The following ANO2 variants were observed in gnomAD, a reference collection of about 807,000 sequenced individuals.
The protein encoded by ANO2 is anoctamin 2.
ANO2 carries 101 observed loss-of-function variants against 124.2 expected under a neutral mutation model. The observed-to-expected ratio is 0.81, with a 90% CI of 0.69 to 0.96. ANO2 has a LOEUF of 0.96. Among genes scored for constraint, ANO2 ranks in the 40% least tolerant of loss-of-function variants. The pLI, the probability that ANO2 is intolerant of heterozygous loss-of-function variation, is 0.00. For synonymous variants in ANO2, 486 were observed against 482.5 expected, an observed-to-expected ratio of 1.01 and a Z score of -0.09; for missense variants, 1,293 against 1,274.5, an observed-to-expected ratio of 1.01 and a Z score of -0.22.
At chr12:5,743,323 C>T (rs565884239) in intron 12 of ANO2, among the ~76,000 whole-genome samples, 10 of 152,280 alleles carry the variant, frequency 6.6e-5, no homozygotes, top group Non-Finnish European at 8.8e-5. Flanking sequence ...CCTGCACATT[C>T]GGTGATGAGT....
chr12:5,741,785 G>A (rs1357228326), intron 12 of ANO2, among the ~76,000 whole-genome samples: 1 of 152,166 alleles, frequency 6.6e-6, no homozygotes, highest in Non-Finnish European at 1.5e-5. Context: ...TCAATTTACA[G>A]ATGAGGACAA....
intron 14 of ANO2, among the ~76,000 whole-genome samples, chr12:5,655,302 C>T (rs1591827383): frequency 6.6e-6 from 1 of 152,170 alleles, no homozygotes; most frequent in East Asian, 1.9e-4. Context: ...TAAATCTCAG[C>T]CTCTCCTCTA....
intron 19 of ANO2, among the ~76,000 whole-genome samples, chr12:5,608,014 G>C (rs965179446): frequency 5.9e-5 from 9 of 151,998 alleles, no homozygotes; most frequent in African/African-American, 2.2e-4. Flanking sequence ...TGTCTTCCAG[G>C]AAACCTGTCC....
At chr12:5,793,014 G>A (rs529440494) in intron 10 of ANO2, among the ~76,000 whole-genome samples, 4 of 152,330 alleles carry the variant, frequency 2.6e-5, no homozygotes, top group East Asian at 1.9e-4. Flanking sequence ...GGGAACACAC[G>A]TTGATATGGA....
chr12:5,739,100 C>G (rs557127794), intron 13 of ANO2: 1 of 673,360 alleles, frequency 1.5e-6, no homozygotes, highest in East Asian at 2.9e-5. Context: ...GCTCAATGCC[C>G]TCCAGCTCAA....
At chr12:5,851,104 G>A (rs916977515) in intron 4 of ANO2, among the ~76,000 whole-genome samples, 1 of 152,124 alleles carries the variant, frequency 6.6e-6, no homozygotes, top group African/African-American at 2.4e-5. Flanking sequence ...AATGCAAAGT[G>A]GGGAGAGAAA....
chr12:5,945,646 G>A (rs557797657), upstream of ANO2, among the ~76,000 whole-genome samples: 98 of 152,352 alleles, frequency 6.4e-4, no homozygotes, highest in Admixed American at 2.8e-3. Context: ...CCTTCTTCCC[G>A]CCGCCCCAAA....
intron 10 of ANO2, among the ~76,000 whole-genome samples, chr12:5,767,855 G>C (rs1278828798): frequency 6.6e-6 from 1 of 152,144 alleles, no homozygotes; most frequent in African/African-American, 2.4e-5. Context: ...TTCTTGTCTA[G>C]ACCCTGGAGG....
At chr12:5,605,577 C>T (rs1037337664) in intron 19 of ANO2, among the ~76,000 whole-genome samples, 23 of 152,144 alleles carry the variant, frequency 1.5e-4, no homozygotes, top group Non-Finnish European at 2.6e-4. Context: ...TCACCAAAAA[C>T]CCACCTCTCC....
At chr12:5,719,238 G>A (rs1950131143) in intron 14 of ANO2, among the ~76,000 whole-genome samples, 1 of 152,170 alleles carries the variant, frequency 6.6e-6, no homozygotes, top group South Asian at 2.1e-4. Flanking sequence ...TTGGTGGCCT[G>A]AGCCTTCTCT....
chr12:5,647,947 CAA>C (rs1946731983), intron 14 of ANO2, 146 bp from the exon 15 acceptor site: 1 of 654,010 alleles, frequency 1.5e-6, no homozygotes, highest in East Asian at 2.8e-5. Context: ...CTCTCCATAT[CAA>C]CAACTGCCCT....
chr12:5,809,669 C>T (rs911365587), intron 7 of ANO2, among the ~76,000 whole-genome samples: 2 of 152,174 alleles, frequency 1.3e-5, no homozygotes, highest in African/African-American at 4.8e-5. Flanking sequence ...TAAAGCCATG[C>T]GCCCTATCCC....
At chr12:5,702,971 T>C (rs574970478) in intron 14 of ANO2, among the ~76,000 whole-genome samples, 7 of 152,340 alleles carry the variant, frequency 4.6e-5, no homozygotes, top group South Asian at 4.1e-4. Flanking sequence ...CCTGTAAATA[T>C]GTGTGTACTC....
intron 10 of ANO2, among the ~76,000 whole-genome samples, chr12:5,780,505 C>G (rs1205412987): frequency 6.6e-6 from 1 of 152,234 alleles, no homozygotes; most frequent in East Asian, 1.9e-4. Flanking sequence ...AAAGCCATCA[C>G]AGAAGAAAAC....
At chr12:5,810,494 T>A (rs1281463749) in intron 7 of ANO2, among the ~76,000 whole-genome samples, 1 of 152,224 alleles carries the variant, frequency 6.6e-6, no homozygotes. Flanking sequence ...CTGGCCATAA[T>A]GGCAAAGCTT....
At chr12:5,875,800 T>C (rs1235439606) in intron 3 of ANO2, among the ~76,000 whole-genome samples, 1 of 151,710 alleles carries the variant, frequency 6.6e-6, no homozygotes, top group Non-Finnish European at 1.5e-5. Context: ...TAGAAAAAGA[T>C]GATAAGTCCT....
At chr12:5,859,914 C>G (rs1955216309) in intron 3 of ANO2, among the ~76,000 whole-genome samples, 1 of 152,160 alleles carries the variant, frequency 6.6e-6, no homozygotes, top group African/African-American at 2.4e-5. Context: ...GAACTGAATT[C>G]ACAAAGAGGC....
At chr12:5,811,454 T>G (rs1953387331) in intron 7 of ANO2, among the ~76,000 whole-genome samples, 2 of 152,212 alleles carry the variant, frequency 1.3e-5, no homozygotes, top group Admixed American at 1.3e-4. Context: ...TGGTCTGGCT[T>G]TGGTCAAAAT....
chr12:5,592,183 G>A (rs1331174143), intron 20 of ANO2, among the ~76,000 whole-genome samples: 2 of 152,140 alleles, frequency 1.3e-5, no homozygotes, highest in African/African-American at 4.8e-5. Context: ...ACCAATGAAG[G>A]AAAAGGACTT....
Sources: gnomAD v4.1 joint callset for allele counts (sites outside exome capture counted in the v4.1 genomes callset) on GRCh38, gnomAD v4.1.1 for gene constraint, MANE v1.5 for transcripts, NCBI Gene and HGNC (gene_info 2026-07-23, HGNC 2026-07-21) for gene names.